Variants in RABL3 observed in about 807,000 individuals in gnomAD.
The protein encoded by RABL3 is rab-like protein 3.
In RABL3, 31 loss-of-function variants were observed where a neutral mutation model predicts 31.8. That is an observed-to-expected ratio of 0.97 (90% CI 0.73 to 1.31). The LOEUF is 1.31. Ranked by LOEUF, RABL3 falls within the 40% of genes most tolerant of loss-of-function variation. The pLI is 0.00. For missense variants in RABL3, 263 were observed against 279.6 expected (o/e 0.94, Z 0.42); for synonymous variants, 97 against 99.9 (o/e 0.97, Z 0.18).
chr3:120,717,844 A>G (rs1708688987), intron 2 of RABL3, among the ~76,000 whole-genome samples: 1 of 152,156 alleles, frequency 6.6e-6, no homozygotes, highest in African/African-American at 2.4e-5. Context: ...ACTAACTAGT[A>G]ATCTCATGTT....
At chr3:120,700,865 T>C (rs1331452515) in intron 4 of RABL3, among the ~76,000 whole-genome samples, 2 of 152,094 alleles carry the variant, frequency 1.3e-5, no homozygotes, top group East Asian at 1.9e-4. Context: ...TGTATTTACA[T>C]ATGTTTAAAA....
rs146721616 is a variant in RABL3, at chr3:120,719,234, C to T, written c.139-9325G>A. On this transcript the variant is annotated intron_variant, in intron 2 of 7. Coordinates refer to ENST00000273375, the MANE Select transcript of RABL3 (RefSeq NM_173825.5). ...GTGGGGAGGGTGGAGCCAGGATGGC[C>T]GAATAGGAACAGCTCCAGTCTACAG... Among the ~76,000 whole-genome samples, 732 of 152,220 alleles carry T rather than the reference C, an allele frequency of 4.8e-3. 6 individuals carry two copies. Among genetic ancestry groups the T allele is most frequent in the African/African-American group, 0.017 (686 of 41,534 alleles).
chr3:120,697,790 T>A (rs1191343898), intron 5 of RABL3, among the ~76,000 whole-genome samples: 3 of 152,222 alleles, frequency 2.0e-5, no homozygotes, highest in African/African-American at 4.8e-5. Flanking sequence ...AGAGGCTTTT[T>A]AAAAGCAAGA....
intron 2 of RABL3, among the ~76,000 whole-genome samples, chr3:120,719,633 G>A (rs1708712957): frequency 6.6e-6 from 1 of 152,214 alleles, no homozygotes; most frequent in African/African-American, 2.4e-5. Context: ...AAACTGCAAG[G>A]CAGCAGCCAG....
At chr3:120,694,412 C>T (rs931007680) in intron 5 of RABL3, among the ~76,000 whole-genome samples, 188 bp from the exon 6 acceptor site, 3 of 152,232 alleles carry the variant, frequency 2.0e-5, no homozygotes, top group Admixed American at 1.3e-4. Context: ...AATAAGGTCA[C>T]TTAATCTTTG....
chr3:120,691,502 G>A (rs1401652190), intron 6 of RABL3, among the ~76,000 whole-genome samples: 1 of 152,090 alleles, frequency 6.6e-6, no homozygotes, highest in Non-Finnish European at 1.5e-5. Flanking sequence ...AATAAAATAG[G>A]CTTGTGTTAG....
At chr3:120,739,385 CG>C (rs1709014019) in intron 1 of RABL3, among the ~76,000 whole-genome samples, 1 of 151,144 alleles carries the variant, frequency 6.6e-6, no homozygotes, top group Non-Finnish European at 1.5e-5. Flanking sequence ...TCGGTGGTGG[CG>C]GGCAGTGGGG....
At chr3:120,738,463 A>C (rs996674064) in intron 1 of RABL3, 1 of 152,010 alleles carries the variant, frequency 6.6e-6, no homozygotes, top group Admixed American at 6.5e-5. Flanking sequence ...GCTCACACAC[A>C]GTGGGCTGCA....
intron 1 of RABL3, among the ~76,000 whole-genome samples, chr3:120,736,687 T>C (rs570176634): frequency 2.0e-4 from 30 of 152,332 alleles, no homozygotes; most frequent in Non-Finnish European, 4.3e-4. Flanking sequence ...TTCCTTTCCA[T>C]GTTTAGTGCT....
intron 2 of RABL3, among the ~76,000 whole-genome samples, chr3:120,717,006 A>G (rs965546047): frequency 6.6e-6 from 1 of 152,164 alleles, no homozygotes; most frequent in Non-Finnish European, 1.5e-5. Context: ...TAATCCCAGC[A>G]CGTTGGGAGG....
At chr3:120,716,835 A>G (rs1407973182) in intron 2 of RABL3, among the ~76,000 whole-genome samples, 1 of 152,228 alleles carries the variant, frequency 6.6e-6, no homozygotes, top group Admixed American at 6.5e-5. Context: ...CTTTCTATAG[A>G]AAAGAACTGT....
At chr3:120,715,838 T>C (rs1386580097) in intron 2 of RABL3, among the ~76,000 whole-genome samples, 1 of 152,150 alleles carries the variant, frequency 6.6e-6, no homozygotes, top group Non-Finnish European at 1.5e-5. Flanking sequence ...CGCAGTTCCA[T>C]AACTTACTAA....
chr3:120,720,093 A>G (rs1708719959), intron 2 of RABL3, among the ~76,000 whole-genome samples: 1 of 152,258 alleles, frequency 6.6e-6, no homozygotes, highest in Non-Finnish European at 1.5e-5. Context: ...GCGGACCTCC[A>G]GCAAACTCCA....
Position 120,689,407 on chromosome 3 carries a change from C to G in RABL3, c.*416G>C, listed in dbSNP as rs1043259428. ...GGCTGGTTAACAAGACCGTTCCCCT[C>G]AAGAAGGTAAAACAATGGAGATACG... On this transcript the variant is annotated 3_prime_UTR_variant, in exon 8 of 8. Coordinates refer to ENST00000273375, the MANE Select transcript of RABL3 (RefSeq NM_173825.5). 1.3e-5 allele frequency: 2 copies of G among 153,920 alleles called. No individual in the cohort carries two copies. Among genetic ancestry groups the G allele is most frequent in the Non-Finnish European group, 2.9e-5 (2 of 69,272 alleles). The allele number at this position is 153,920 out of a possible 1,614,324, so 9.5% of individuals were successfully genotyped here.
chr3:120,700,661 T>TA (rs1039655459), intron 4 of RABL3, among the ~76,000 whole-genome samples: 16 of 151,864 alleles, frequency 1.1e-4, no homozygotes, highest in South Asian at 4.2e-4. Context: ...GGTGTCATGT[T>TA]AAAAAAAAGC....
At chr3:120,742,155 CT>C (rs55966768) in intron 1 of RABL3, among the ~76,000 whole-genome samples, 3,810 of 132,754 alleles carry the variant, frequency 0.029, 47 homozygotes, top group Middle Eastern at 0.06. Context: ...TCAATGCCTG[CT>C]TTTTTTTTTT....
intron 1 of RABL3, among the ~76,000 whole-genome samples, chr3:120,739,944 A>T (rs1368170036): frequency 6.6e-6 from 1 of 152,214 alleles, no homozygotes; most frequent in East Asian, 1.9e-4. Flanking sequence ...TGAAACCCTA[A>T]ACAGTAAGAA....
chr3:120,697,882 T>C (rs1708454289), intron 5 of RABL3, among the ~76,000 whole-genome samples: 1 of 152,158 alleles, frequency 6.6e-6, no homozygotes, highest in Admixed American at 6.6e-5. Flanking sequence ...AAAAAGCCCA[T>C]GGGCCAGGTG....
rs1708347986 is a variant in RABL3 at position 120,688,970 on chromosome 3, C to T, written c.*853G>A. 1.3e-5 allele frequency: 2 copies of T among 152,072 alleles called. No individual in the cohort carries two copies. The allele number at this position is 152,072 out of a possible 1,614,324, so 9.4% of individuals were successfully genotyped here. A position where few individuals can be genotyped will look rare whatever the true frequency, so the allele number is the denominator to read the frequency against. On this transcript the variant is annotated 3_prime_UTR_variant, in exon 8 of 8. Transcript: ENST00000273375. The stretch of plus-strand genomic sequence containing the variant: ...TAGTTTTCTGATTATAGCTAAGGGA[C>T]ATTTCAGGAGTTGACTTTTCCTTAA...
Sources: gnomAD v4.1 joint callset for allele counts (sites outside exome capture counted in the v4.1 genomes callset) on GRCh38, gnomAD v4.1.1 for gene constraint, MANE v1.5 for transcripts, NCBI Gene and HGNC (gene_info 2026-07-23, HGNC 2026-07-21) for gene names.